INPP5A: variants seen among roughly 807,000 people sequenced by gnomAD.
INPP5A encodes 43 kDa inositol polyphosphate 5-phophatase.
Under a neutral mutation model 65.2 loss-of-function variants are expected in INPP5A, and 14 were observed. The observed-to-expected ratio is 0.21, with a 90% CI of 0.14 to 0.34. The LOEUF (loss-of-function observed/expected upper bound fraction) is 0.34, where lower values mean the gene tolerates loss of function less well. INPP5A is among the 10% of genes least tolerant of loss of function. The probability of loss-of-function intolerance (pLI) is 1.00; values close to 1 mark genes in which losing one functional copy is unlikely to be tolerated. For synonymous variants in INPP5A, 207 were observed against 208.3 expected (o/e 0.99, Z 0.05); for missense variants, 431 against 545.6 (o/e 0.79, Z 2.09).
At chr10:132,684,211 A>G (rs1289071120) in intron 4 of INPP5A, among the ~76,000 whole-genome samples, 2 of 152,020 alleles carry the variant, frequency 1.3e-5, no homozygotes, top group Non-Finnish European at 2.9e-5. Flanking sequence ...CTATCATAGG[A>G]ATATTTCAAA....
chr10:132,591,128 G>A (rs531785142), intron 1 of INPP5A, among the ~76,000 whole-genome samples: 3 of 152,244 alleles, frequency 2.0e-5, no homozygotes, highest in African/African-American at 7.2e-5. Flanking sequence ...GTTTTGTTTT[G>A]TATTTTCCCT....
At chr10:132,714,717 A>T (rs1845710115) in intron 8 of INPP5A, among the ~76,000 whole-genome samples, 1 of 152,206 alleles carries the variant, frequency 6.6e-6, no homozygotes, top group African/African-American at 2.4e-5. Flanking sequence ...GAGTAGGAAG[A>T]TGATTGTAAA....
At chr10:132,717,359 G>A (rs1845758962) in intron 8 of INPP5A, among the ~76,000 whole-genome samples, 2 of 151,502 alleles carry the variant, frequency 1.3e-5, no homozygotes, top group South Asian at 4.1e-4. Context: ...CTGGGGATCA[G>A]CGGGTTGGTC....
At chr10:132,640,937 G>A (rs892474790) in intron 2 of INPP5A, among the ~76,000 whole-genome samples, 3 of 152,148 alleles carry the variant, frequency 2.0e-5, no homozygotes, top group South Asian at 2.1e-4. Context: ...GTCGAGATCC[G>A]ACGTGGGTTC....
At chr10:132,681,095 C>T (rs192760330) in intron 4 of INPP5A, among the ~76,000 whole-genome samples, 4 of 151,834 alleles carry the variant, frequency 2.6e-5, no homozygotes, top group Admixed American at 6.5e-5. Context: ...CGGGATCCAC[C>T]GTGTGAAGCC....
chr10:132,610,720 C>T (rs112851926), intron 2 of INPP5A, among the ~76,000 whole-genome samples: 3,553 of 152,350 alleles, frequency 0.023, 49 homozygotes, highest in South Asian at 0.039. Context: ...ACAGGCTGGG[C>T]CGTGGCAGCT....
At chr10:132,713,966 C>T (rs1322383599) in intron 8 of INPP5A, among the ~76,000 whole-genome samples, 3 of 152,172 alleles carry the variant, frequency 2.0e-5, no homozygotes, top group African/African-American at 7.2e-5. Flanking sequence ...GGAGAAGGGC[C>T]TCACCCACAG....
chr10:132,633,637 T>C (rs2072302242), intron 2 of INPP5A, among the ~76,000 whole-genome samples: 1 of 152,148 alleles, frequency 6.6e-6, no homozygotes, highest in African/African-American at 2.4e-5. Flanking sequence ...GCCTTGCCAT[T>C]ATGAGACCAG....
rs573181291 is a variant in INPP5A, at chr10:132,712,433, G to A, written c.647+1977G>A. 1.7e-3 allele frequency among the ~76,000 whole-genome samples: 250 copies of A among 151,382 alleles called. 2 individuals carry two copies. The East Asian group carries it at 0.043, about 26-fold the overall frequency. On this transcript the variant is annotated intron_variant, in intron 8 of 15. Coordinates refer to ENST00000368594, the MANE Select transcript of INPP5A (RefSeq NM_005539.5). Reference sequence around the variant, plus strand: ...CGAGTGCATACATATGTGTGTGCACGCGTGTGTGGGTGTGTGTGGGTGCAT... The same window carrying A: ...CGAGTGCATACATATGTGTGTGCACACGTGTGTGGGTGTGTGTGGGTGCAT...
At chr10:132,688,190 C>T (rs1440354177) in intron 4 of INPP5A, among the ~76,000 whole-genome samples, 2 of 152,178 alleles carry the variant, frequency 1.3e-5, no homozygotes, top group African/African-American at 4.8e-5. Context: ...AGACAGGGAC[C>T]AGGCCAGAGT....
At chr10:132,728,961 G>A (rs1229861203) in intron 9 of INPP5A, among the ~76,000 whole-genome samples, 11 of 152,130 alleles carry the variant, frequency 7.2e-5, no homozygotes, top group South Asian at 2.1e-4. Flanking sequence ...CTTGGCAGGC[G>A]TGGGGGTCCT....
At chr10:132,719,529 T>C (rs1164423952) in intron 8 of INPP5A, among the ~76,000 whole-genome samples, 1 of 150,560 alleles carries the variant, frequency 6.6e-6, no homozygotes, top group Non-Finnish European at 1.5e-5. Context: ...GACGGCTGTC[T>C]TGCGGGTTCT....
At chr10:132,708,833 G>C (rs575605552) in intron 7 of INPP5A, among the ~76,000 whole-genome samples, 36 of 152,192 alleles carry the variant, frequency 2.4e-4, no homozygotes, top group Non-Finnish European at 4.1e-4. Flanking sequence ...ACATGTTCTC[G>C]ATAGCGCCGC....
chr10:132,597,954 C>T (rs1161633019), intron 1 of INPP5A, among the ~76,000 whole-genome samples: 3 of 152,164 alleles, frequency 2.0e-5, no homozygotes, highest in Admixed American at 2.0e-4. Context: ...CGTAGTGACC[C>T]TGGGCCTGTG....
At chr10:132,725,442 C>A (rs557299038) in intron 8 of INPP5A, among the ~76,000 whole-genome samples, 1 of 152,212 alleles carries the variant, frequency 6.6e-6, no homozygotes, top group East Asian at 1.9e-4. Context: ...GCGGTGGCGG[C>A]GGGGCAACGC....
chr10:132,737,208 G>A (rs778247102), intron 9 of INPP5A, among the ~76,000 whole-genome samples: 11 of 152,234 alleles, frequency 7.2e-5, no homozygotes, highest in African/African-American at 1.7e-4. Flanking sequence ...GAGCGGACTC[G>A]ATGTGGCAAC....
intron 1 of INPP5A, among the ~76,000 whole-genome samples, chr10:132,574,996 C>T (rs939566629): frequency 1.3e-5 from 2 of 152,118 alleles, no homozygotes; most frequent in South Asian, 2.1e-4. Flanking sequence ...GCCCACCTGA[C>T]GATAGAAACG....
chr10:132,595,546 C>CA (rs780351538), intron 1 of INPP5A, among the ~76,000 whole-genome samples: 1 of 152,182 alleles, frequency 6.6e-6, no homozygotes, highest in East Asian at 1.9e-4. Flanking sequence ...GTGTCTGGCT[C>CA]ACTGCCTTTC....
intron 2 of INPP5A, among the ~76,000 whole-genome samples, chr10:132,643,947 G>A (rs753711313): frequency 1.1e-4 from 17 of 152,218 alleles, no homozygotes; most frequent in African/African-American, 4.1e-4. Context: ...CCAGGGAGGC[G>A]TGGCAGATCT....
Sources: allele counts gnomAD v4.1 joint callset (sites outside exome capture counted in the v4.1 genomes callset), GRCh38; gene constraint gnomAD v4.1.1; transcripts MANE v1.5; gene names NCBI Gene and HGNC (gene_info 2026-07-23, HGNC 2026-07-21).